Variants in TRIM66 observed in about 807,000 individuals in gnomAD.
TRIM66 encodes the protein tripartite motif containing 66.
TRIM66 carries 99 observed loss-of-function variants against 148.2 expected under a neutral mutation model. The ratio of observed to expected loss-of-function variants is 0.67; its 90% CI spans 0.57 to 0.79. TRIM66 has a LOEUF of 0.79. Among genes scored for constraint, TRIM66 ranks in the 30% least tolerant of loss-of-function variants. The probability of loss-of-function intolerance (pLI) is 0.00; values close to 1 mark genes in which losing one functional copy is unlikely to be tolerated. For missense variants in TRIM66, 1,666 were observed against 1,697.9 expected, an observed-to-expected ratio of 0.98 and a Z score of 0.33; for synonymous variants, 616 against 635.9, an observed-to-expected ratio of 0.97 and a Z score of 0.47.
intron 6 of TRIM66, among the ~76,000 whole-genome samples, chr11:8,653,619 C>T (rs914006669): frequency 5.3e-5 from 8 of 152,106 alleles, no homozygotes; most frequent in Non-Finnish European, 1.0e-4. Context: ...CAGAGAATCC[C>T]AGCCCAAACA....
At chr11:8,669,853 ATTTCT>A (rs765211522) in intron 6 of TRIM66, among the ~76,000 whole-genome samples, 72 of 151,610 alleles carry the variant, frequency 4.7e-4, no homozygotes, top group Non-Finnish European at 9.9e-4. Flanking sequence ...CATCTCATTT[ATTTCT>A]TTTAAGTTTT....
intron 1 of TRIM66, among the ~76,000 whole-genome samples, chr11:8,681,176 C>T (rs901365146): frequency 6.6e-6 from 1 of 151,526 alleles, no homozygotes; most frequent in Non-Finnish European, 1.5e-5. Flanking sequence ...TTCTGTCGCC[C>T]AGGCTGCAGT....
At chr11:8,627,404 T>C (rs916773559) in intron 15 of TRIM66, among the ~76,000 whole-genome samples, 8 of 152,252 alleles carry the variant, frequency 5.3e-5, no homozygotes, top group Non-Finnish European at 1.5e-5. Context: ...GAATTTATTA[T>C]ATGCAAGGCA....
chr11:8,654,137 C>A (rs2133296392), intron 6 of TRIM66, among the ~76,000 whole-genome samples: 1 of 152,350 alleles, frequency 6.6e-6, no homozygotes, highest in Middle Eastern at 3.4e-3. Context: ...AGAGAAAGAA[C>A]TGAATAGGTC....
At chr11:8,667,378 T>C (rs1298691255) in intron 6 of TRIM66, among the ~76,000 whole-genome samples, 2 of 152,144 alleles carry the variant, frequency 1.3e-5, no homozygotes, top group African/African-American at 4.8e-5. Flanking sequence ...ATTTAAAACT[T>C]TGTGCATCCC....
At position 8,672,355 on chromosome 11, in the gene TRIM66, G is replaced by A. The variant is rs1246200751; in HGVS notation, c.-81C>T. ...AACCCTTCAAAAGTGTCCCGTACCT[G>A]TGCCTCTCCTTATTGGTAGACAAGC... is the stretch of plus-strand genomic sequence containing the variant. On this transcript the variant is annotated 5_prime_UTR_variant, in exon 5 of 25. Transcript: ENST00000646038. The A allele has an allele frequency of 4.6e-6, 7 of 1,526,412 alleles. No homozygotes were observed. Among genetic ancestry groups the A allele is most frequent in the Admixed American group, 4.2e-5 (2 of 48,116 alleles). The allele number at this position is 1,526,412 out of a possible 1,614,324, so 94.6% of individuals were successfully genotyped here.
intron 7 of TRIM66, 77 bp from the exon 8 acceptor site, chr11:8,649,964 G>C: frequency 1.3e-6 from 2 of 1,489,026 alleles, no homozygotes; most frequent in Non-Finnish European, 1.8e-6. Flanking sequence ...ATGCTCTAAA[G>C]ACAGGGGTCC....
intron 6 of TRIM66, among the ~76,000 whole-genome samples, chr11:8,671,179 A>G (rs1402576861): frequency 6.6e-6 from 1 of 152,232 alleles, no homozygotes; most frequent in Non-Finnish European, 1.5e-5. Flanking sequence ...AGTGTTGCCA[A>G]CTTATTTGAC....
At chr11:8,619,854 G>T (rs2034036457) in intron 22 of TRIM66, among the ~76,000 whole-genome samples, 196 bp downstream of exon 22, 1 of 152,240 alleles carries the variant, frequency 6.6e-6, no homozygotes, top group African/African-American at 2.4e-5. Context: ...CATGCTCTGA[G>T]CCCAACCTGG....
rs2034936643 is a variant in TRIM66, at chr11:8,627,214, A to G, written c.2311-1986T>C. Among the ~76,000 whole-genome samples, 6 of 152,338 alleles carry G rather than the reference A, an allele frequency of 3.9e-5. 1 individual carries two copies. In the South Asian group the frequency reaches 1.2e-3, roughly 32 times the overall value. ...TACCCACCATATTCCTAGACCCAAG[A>G]GCAGTGTCTGGATGAATAAATGAAT... On this transcript the variant is annotated intron_variant, in intron 15 of 24. Transcript: ENST00000646038.
Position 8,620,570 on chromosome 11 carries a change from C to A in TRIM66, c.3548G>T (p.Gly1183Val). Residue 1183 changes from glycine to valine, a missense_variant and splice_region_variant, in exon 21 of 25, where the codon GGA becomes GTA. By Grantham distance (109) the Gly-to-Val change is moderately radical. Coordinates refer to ENST00000646038, the MANE Select transcript of TRIM66 (RefSeq NM_001388022.1). ...HVPALLSFPG[G>V]EWVCTLCRSL... ...GCGGCACAAGGTACACACCCACTCT[C>A]CCCTGCAGGGGCAGGTGAGGCCATG... 1 of 1,551,736 alleles carries A rather than the reference C, an allele frequency of 6.4e-7. No individual in the cohort carries two copies. Among genetic ancestry groups the A allele is most frequent in the Non-Finnish European group, 8.7e-7 (1 of 1,147,010 alleles).
At chr11:8,623,171 A>G (rs1325853649) in intron 17 of TRIM66, among the ~76,000 whole-genome samples, 1 of 152,180 alleles carries the variant, frequency 6.6e-6, no homozygotes, top group East Asian at 1.9e-4. Context: ...CTTCAAGATG[A>G]GCTCAGAAAT....
In TRIM66 at chr11:8,614,146, T is replaced by C. The variant is rs910180862; in HGVS notation, c.*3798A>G. ...TGAGCCCAGGAGTGTTGATACCAGCTTGAGCAACATGGCGAAACTCCATCT... is the reference window on the plus strand; with the variant it reads ...TGAGCCCAGGAGTGTTGATACCAGCCTGAGCAACATGGCGAAACTCCATCT... On this transcript the variant is annotated 3_prime_UTR_variant, in exon 25 of 25. Transcript: ENST00000646038. 6.6e-6 allele frequency: 1 copy of C among 152,198 alleles called. No homozygotes were observed. Among genetic ancestry groups the C allele is most frequent in the Non-Finnish European group, 1.5e-5 (1 of 68,142 alleles). The allele number at this position is 152,198 out of a possible 1,614,324, so 9.4% of individuals were successfully genotyped here. A position where few individuals can be genotyped will look rare whatever the true frequency, so the allele number is the denominator to read the frequency against.
At chr11:8,655,073 T>G (rs1456414207) in intron 6 of TRIM66, among the ~76,000 whole-genome samples, 1 of 152,126 alleles carries the variant, frequency 6.6e-6, no homozygotes, top group African/African-American at 2.4e-5. Flanking sequence ...TTGGCCAGGC[T>G]GATCTCGAAC....
intron 23 of TRIM66, 164 bp downstream of exon 23, chr11:8,619,219 G>C: frequency 1.2e-6 from 1 of 854,928 alleles, no homozygotes; most frequent in Non-Finnish European, 1.8e-6. Context: ...GCTAAGGCCT[G>C]AGTGTGGGAG....
Position 8,640,696 on chromosome 11 carries a change from G to T in TRIM66, c.1679C>A (p.Pro560His). 2 of 1,551,660 alleles carry T rather than the reference G, an allele frequency of 1.3e-6. No homozygotes were observed. Among genetic ancestry groups the T allele is most frequent in the Non-Finnish European group, 1.7e-6 (2 of 1,146,982 alleles). The change falls in exon 14 of 25, where the codon CCC becomes CAC. Residue 560 changes from proline to histidine, a missense_variant. Pro to His is a moderately conservative substitution (Grantham distance 77). Transcript: ENST00000646038. ...QLTSQPVCIV[P>H]PQDVQQGAHA... is the part of the protein sequence containing the mutation. ...GGCTCCTTGCTGAACATCCTGTGGG[G>T]GGACAATGCACACGGGCTGGGAAGT...
chr11:8,661,051 G>A (rs557628011), intron 6 of TRIM66, among the ~76,000 whole-genome samples: 7 of 152,242 alleles, frequency 4.6e-5, no homozygotes, highest in African/African-American at 1.4e-4. Context: ...GTGTAGTCCC[G>A]GAGTCAGAGG....
intron 4 of TRIM66, among the ~76,000 whole-genome samples, chr11:8,673,914 G>A (rs61875913): frequency 6.6e-6 from 1 of 152,236 alleles, no homozygotes; most frequent in Non-Finnish European, 1.5e-5. Flanking sequence ...CAAGCCTTCA[G>A]GAAGGAGGAA....
intron 6 of TRIM66, among the ~76,000 whole-genome samples, chr11:8,669,097 A>G (rs1455904080): frequency 6.6e-6 from 1 of 152,234 alleles, no homozygotes; most frequent in East Asian, 1.9e-4. Flanking sequence ...CATAGTGATG[A>G]AGGGCACCAT....
Sources: allele counts gnomAD v4.1 joint callset (sites outside exome capture counted in the v4.1 genomes callset), GRCh38; gene constraint gnomAD v4.1.1; transcripts MANE v1.5; gene names NCBI Gene and HGNC (gene_info 2026-07-23, HGNC 2026-07-21).